CDKAL1: variants seen among roughly 807,000 people sequenced by gnomAD.
The protein encoded by CDKAL1 is threonylcarbamoyladenosine tRNA methylthiotransferase.
In CDKAL1, 32 loss-of-function variants were observed where a neutral mutation model predicts 68.2. That is an observed-to-expected ratio of 0.47 (90% CI 0.35 to 0.63). CDKAL1 has a LOEUF of 0.63. CDKAL1 is among the 30% of genes least tolerant of loss of function. CDKAL1 has a pLI of 0.00. For synonymous variants in CDKAL1, 234 were observed against 244.3 expected (o/e 0.96, Z 0.39); for missense variants, 606 against 696.7 (o/e 0.87, Z 1.47).
intron 15 of CDKAL1, among the ~76,000 whole-genome samples, chr6:21,207,761 C>A (rs2151114863): frequency 6.6e-6 from 1 of 152,232 alleles, no homozygotes; most frequent in Non-Finnish European, 1.5e-5. Flanking sequence ...ATATTGACTA[C>A]TATTTTCATT....
At chr6:21,072,593 CT>C (rs1299037430) in intron 12 of CDKAL1, among the ~76,000 whole-genome samples, 2 of 117,034 alleles carry the variant, frequency 1.7e-5, no homozygotes, top group Non-Finnish European at 3.4e-5. Flanking sequence ...CTGTTTTTGT[CT>C]TGTCTTTTAT....
chr6:20,741,237 G>C (rs113109135), intron 6 of CDKAL1, among the ~76,000 whole-genome samples: 6,257 of 151,936 alleles, frequency 0.041, 148 homozygotes, highest in Middle Eastern at 0.082. Context: ...TTTCAGGGCC[G>C]ACACAAAGCT....
intron 2 of CDKAL1, among the ~76,000 whole-genome samples, chr6:20,544,453 G>C (rs932767424): frequency 6.6e-6 from 1 of 151,446 alleles, no homozygotes; most frequent in Non-Finnish European, 1.5e-5. Context: ...AAAATTAGCC[G>C]GGCATGGTGG....
chr6:20,681,256 A>C (rs1480874080), intron 5 of CDKAL1, among the ~76,000 whole-genome samples: 3 of 152,200 alleles, frequency 2.0e-5, no homozygotes, highest in Non-Finnish European at 4.4e-5. Context: ...CATAAGCTGG[A>C]GTCTAAAATG....
intron 9 of CDKAL1, among the ~76,000 whole-genome samples, chr6:20,861,558 C>A (rs546220925): frequency 1.5e-4 from 23 of 152,292 alleles, no homozygotes; most frequent in Admixed American, 1.2e-3. Flanking sequence ...CCTTCTCTCT[C>A]TATAAAAAGT....
chr6:20,679,458 C>G (rs1453862608), intron 5 of CDKAL1, among the ~76,000 whole-genome samples: 1 of 152,218 alleles, frequency 6.6e-6, no homozygotes, highest in East Asian at 1.9e-4. Context: ...AATTAATATT[C>G]CCCCCTGTAT....
At chr6:20,903,431 C>T (rs1312493014) in intron 9 of CDKAL1, among the ~76,000 whole-genome samples, 1 of 152,168 alleles carries the variant, frequency 6.6e-6, no homozygotes, top group Non-Finnish European at 1.5e-5. Context: ...TAATACATAT[C>T]ATTTTAGAAG....
intron 6 of CDKAL1, among the ~76,000 whole-genome samples, chr6:20,742,044 C>A (rs1387847622): frequency 6.6e-6 from 1 of 152,142 alleles, no homozygotes; most frequent in African/African-American, 2.4e-5. Flanking sequence ...TTTTGATTTT[C>A]ATTTCTCTAA....
At chr6:20,980,707 C>T (rs1295217230) in intron 10 of CDKAL1, among the ~76,000 whole-genome samples, 2 of 152,052 alleles carry the variant, frequency 1.3e-5, no homozygotes, top group African/African-American at 2.4e-5. Flanking sequence ...GGCAACTTCA[C>T]GTGTTCTGTG....
intron 9 of CDKAL1, among the ~76,000 whole-genome samples, chr6:20,924,000 A>G (rs1310172690): frequency 6.6e-6 from 1 of 151,504 alleles, no homozygotes; most frequent in African/African-American, 2.4e-5. Flanking sequence ...TGGCAGAGTA[A>G]GACCCTGTCT....
chr6:21,182,037 A>G (rs1454697899), intron 13 of CDKAL1, among the ~76,000 whole-genome samples: 1 of 152,212 alleles, frequency 6.6e-6, no homozygotes, highest in Non-Finnish European at 1.5e-5. Context: ...TAAGACCTAT[A>G]TCTAACTTAC....
At chr6:20,604,489 T>C (rs1223713091) in intron 4 of CDKAL1, among the ~76,000 whole-genome samples, 1 of 152,224 alleles carries the variant, frequency 6.6e-6, no homozygotes, top group Non-Finnish European at 1.5e-5. Flanking sequence ...TTGCTTTCTC[T>C]ACCTATAATG....
At chr6:21,048,516 T>A (rs530164020) in intron 11 of CDKAL1, among the ~76,000 whole-genome samples, 99 of 152,250 alleles carry the variant, frequency 6.5e-4, no homozygotes, top group African/African-American at 2.2e-3. Context: ...ATATATATAT[T>A]TTTTTCCAAT....
intron 12 of CDKAL1, among the ~76,000 whole-genome samples, chr6:21,107,646 G>A (rs1192297919): frequency 6.6e-6 from 1 of 151,862 alleles, no homozygotes; most frequent in African/African-American, 2.4e-5. Context: ...TGGCCAAGCT[G>A]GTCTCGAACT....
chr6:20,700,531 G>A (rs1771304231), intron 5 of CDKAL1, among the ~76,000 whole-genome samples: 1 of 151,972 alleles, frequency 6.6e-6, no homozygotes, highest in Non-Finnish European at 1.5e-5. Context: ...AATAATTACA[G>A]GCCTGGGCAG....
At chr6:21,135,594 A>G (rs1775551851) in intron 13 of CDKAL1, 1 of 632,672 alleles carries the variant, frequency 1.6e-6, no homozygotes, top group African/African-American at 2.0e-5. Context: ...AAAGGACCAT[A>G]TGCTAGTTGA....
chr6:21,115,922 A>C (rs1217543379), intron 13 of CDKAL1, among the ~76,000 whole-genome samples: 1 of 152,188 alleles, frequency 6.6e-6, no homozygotes, highest in Non-Finnish European at 1.5e-5. Context: ...CCAAAGATGC[A>C]GACATAGCTG....
chr6:21,172,576 G>A (rs978818783), intron 13 of CDKAL1, among the ~76,000 whole-genome samples: 1 of 152,038 alleles, frequency 6.6e-6, no homozygotes. Context: ...GCAACATAGC[G>A]AGACTTCTTC....
intron 13 of CDKAL1, among the ~76,000 whole-genome samples, chr6:21,115,940 TC>T (rs1484970653): frequency 9.3e-5 from 14 of 150,858 alleles, no homozygotes; most frequent in Admixed American, 9.3e-4. Flanking sequence ...CTGAGCTGTT[TC>T]CTGCTTCAGC....
Sources: gnomAD v4.1 joint callset for allele counts (sites outside exome capture counted in the v4.1 genomes callset) on GRCh38, gnomAD v4.1.1 for gene constraint, MANE v1.5 for transcripts, NCBI Gene and HGNC (gene_info 2026-07-23, HGNC 2026-07-21) for gene names.